Variants in AFF3 observed in about 807,000 individuals in gnomAD.
The protein encoded by AFF3 is AF4/FMR2 family member 3.
A neutral mutation model predicts 129.7 loss-of-function variants in AFF3; 32 were observed. The ratio of observed to expected loss-of-function variants is 0.25; its 90% CI spans 0.19 to 0.33. The LOEUF (loss-of-function observed/expected upper bound fraction) is 0.33. Among genes scored for constraint, AFF3 ranks in the 10% least tolerant of loss-of-function variants. AFF3 has a pLI of 1.00. For missense variants in AFF3, 1,373 were observed against 1,592.0 expected, an observed-to-expected ratio of 0.86 and a Z score of 2.34; for synonymous variants, 644 against 635.4, an observed-to-expected ratio of 1.01 and a Z score of -0.20.
intron 4 of AFF3, among the ~76,000 whole-genome samples, chr2:100,016,259 TGGTGGC>T (rs1173166095): frequency 6.7e-6 from 1 of 150,334 alleles, no homozygotes; most frequent in African/African-American, 2.5e-5. Flanking sequence ...GCAGTGGTAG[TGGTGGC>T]GGTGGCAGTG....
At chr2:99,558,291 G>A (rs947651412) in intron 22 of AFF3, among the ~76,000 whole-genome samples, 1 of 152,188 alleles carries the variant, frequency 6.6e-6, no homozygotes, top group Non-Finnish European at 1.5e-5. Context: ...ACAGTGGAAC[G>A]AGTAACTGGA....
intron 7 of AFF3, chr2:100,006,252 G>A (rs1681960902): frequency 6.2e-6 from 1 of 162,128 alleles, no homozygotes; most frequent in Non-Finnish European, 1.3e-5. Context: ...AATAGATACT[G>A]AAATTATAGC....
intron 7 of AFF3, among the ~76,000 whole-genome samples, chr2:99,887,581 T>C (rs1693210055): frequency 6.6e-6 from 1 of 152,246 alleles, no homozygotes; most frequent in South Asian, 2.1e-4. Flanking sequence ...CTGCGCTGTT[T>C]ACCAGGAAAT....
At chr2:99,808,434 C>T (rs754354503) in intron 8 of AFF3, among the ~76,000 whole-genome samples, 3 of 152,200 alleles carry the variant, frequency 2.0e-5, no homozygotes, top group Non-Finnish European at 4.4e-5. Context: ...AGTTCTTTGG[C>T]TACCAGATGC....
chr2:100,059,700 T>C (rs1687101725), intron 4 of AFF3, among the ~76,000 whole-genome samples: 1 of 152,212 alleles, frequency 6.6e-6, no homozygotes, highest in Admixed American at 6.5e-5. Flanking sequence ...CCAAGGCAAG[T>C]TAGCAAAGGC....
Position 99,934,217 on chromosome 2 carries a change from G to C in AFF3, c.873+72415C>G, listed in dbSNP as rs538556919. On this transcript the variant is annotated intron_variant, in intron 7 of 24. Coordinates refer to ENST00000672756, the MANE Select transcript of AFF3 (RefSeq NM_001386135.1). ...CCTGGTGGGAGTAGGATCTAGACAG[G>C]GGTATCCAGATGAAGTGTCAGGTCT... 5.3e-5 allele frequency among the ~76,000 whole-genome samples: 8 copies of C among 152,236 alleles called. No homozygotes were observed. In the East Asian group the frequency reaches 1.5e-3, roughly 29 times the overall value.
At chr2:99,760,933 C>CT (rs1012629210) in intron 8 of AFF3, among the ~76,000 whole-genome samples, 148 of 145,196 alleles carry the variant, frequency 1.0e-3, no homozygotes, top group South Asian at 2.6e-3. Context: ...CTTTTTTTTC[C>CT]TTTTTTTTTT....
intron 7 of AFF3, among the ~76,000 whole-genome samples, chr2:99,899,764 CA>C (rs1694218550): frequency 1.3e-5 from 2 of 152,162 alleles, no homozygotes; most frequent in South Asian, 4.1e-4. Context: ...GGCCAAGAAA[CA>C]GAGGGGCCAC....
At chr2:99,770,127 G>A (rs1050324036) in intron 8 of AFF3, among the ~76,000 whole-genome samples, 1 of 152,156 alleles carries the variant, frequency 6.6e-6, no homozygotes, top group Non-Finnish European at 1.5e-5. Context: ...GCCAGGGACT[G>A]AAGATAAAAA....
intron 11 of AFF3, among the ~76,000 whole-genome samples, chr2:99,680,938 G>A (rs192357203): frequency 8.5e-5 from 13 of 152,272 alleles, no homozygotes; most frequent in Non-Finnish European, 1.6e-4. Context: ...ATAACACAGT[G>A]GTTTCCAAAC....
intron 13 of AFF3, among the ~76,000 whole-genome samples, chr2:99,603,545 C>A (rs1011748541): frequency 3.3e-5 from 5 of 152,038 alleles, no homozygotes; most frequent in African/African-American, 1.2e-4. Flanking sequence ...ACAACCTAGG[C>A]AATACCATTC....
At chr2:99,759,571 T>A (rs996055437) in intron 8 of AFF3, among the ~76,000 whole-genome samples, 1 of 152,240 alleles carries the variant, frequency 6.6e-6, no homozygotes, top group Non-Finnish European at 1.5e-5. Context: ...TATAGCTAAG[T>A]ATTTCCGTGT....
intron 7 of AFF3, among the ~76,000 whole-genome samples, chr2:99,875,368 C>T (rs779465182): frequency 2.6e-5 from 4 of 152,190 alleles, no homozygotes; most frequent in Non-Finnish European, 4.4e-5. Context: ...AAGGAGTCCC[C>T]TCACTTCCAC....
Position 100,105,581 on chromosome 2 carries a change from C to G in AFF3, c.-142G>C. 2 of 1,333,342 alleles carry G rather than the reference C, an allele frequency of 1.5e-6. No individual in the cohort carries two copies. Among genetic ancestry groups the G allele is most frequent in the Non-Finnish European group, 2.0e-6 (2 of 1,005,802 alleles). The allele number at this position is 1,333,342 out of a possible 1,614,324, so 82.6% of individuals were successfully genotyped here. A position where few individuals can be genotyped will look rare whatever the true frequency, so the allele number is the denominator to read the frequency against. ...TCTCCGGTCTGGAAAGGCAGGTGAT[C>G]AGCTAGAAGGGTGATAAGAGTATCA... is the stretch of plus-strand genomic sequence containing the variant. On this transcript the variant is annotated splice_region_variant and 5_prime_UTR_variant, in exon 3 of 25. Transcript: ENST00000672756.
At chr2:99,734,747 T>G (rs1236127128) in intron 10 of AFF3, among the ~76,000 whole-genome samples, 3 of 152,132 alleles carry the variant, frequency 2.0e-5, no homozygotes, top group Non-Finnish European at 4.4e-5. Flanking sequence ...TTAAAATATA[T>G]TTTGTACTTG....
At chr2:99,843,406 C>T (rs764486282) in intron 7 of AFF3, among the ~76,000 whole-genome samples, 61 of 152,216 alleles carry the variant, frequency 4.0e-4, no homozygotes, top group Non-Finnish European at 5.1e-4. Context: ...TCTCCACCAT[C>T]ATCTATATAT....
chr2:99,835,260 A>C (rs1688781696), intron 8 of AFF3, among the ~76,000 whole-genome samples: 1 of 152,136 alleles, frequency 6.6e-6, no homozygotes, highest in Non-Finnish European at 1.5e-5. Context: ...GCTGATCCGC[A>C]TCTTATAGGA....
chr2:100,056,786 A>G (rs1686823512), intron 4 of AFF3, among the ~76,000 whole-genome samples: 1 of 152,120 alleles, frequency 6.6e-6, no homozygotes, highest in South Asian at 2.1e-4. Flanking sequence ...TCCAAATAGT[A>G]TTGTTTTAAA....
At chr2:99,640,667 G>A (rs1246542601) in intron 13 of AFF3, among the ~76,000 whole-genome samples, 1 of 151,918 alleles carries the variant, frequency 6.6e-6, no homozygotes, top group African/African-American at 2.4e-5. Flanking sequence ...GCATAAATGA[G>A]TGGCATAATT....
Sources: allele counts gnomAD v4.1 joint callset (sites outside exome capture counted in the v4.1 genomes callset), GRCh38; gene constraint gnomAD v4.1.1; transcripts MANE v1.5; gene names NCBI Gene and HGNC (gene_info 2026-07-23, HGNC 2026-07-21).